The following GRIP1 variants were observed in gnomAD, a reference collection of about 807,000 sequenced individuals.
The protein encoded by GRIP1 is glutamate receptor-interacting protein 1.
A neutral mutation model predicts 129.9 loss-of-function variants in GRIP1; 45 were observed. That is an observed-to-expected ratio of 0.35 (90% confidence interval 0.27 to 0.44). The LOEUF is 0.44. Ranked by LOEUF, GRIP1 falls within the 20% of genes least tolerant of loss-of-function variation. GRIP1 has a pLI of 1.00. For missense variants in GRIP1, 1,196 were observed against 1,396.8 expected, an observed-to-expected ratio of 0.86 and a Z score of 2.29; for synonymous variants, 530 against 520.8, an observed-to-expected ratio of 1.02 and a Z score of -0.24.
intron 1 of GRIP1, among the ~76,000 whole-genome samples, chr12:66,983,377 ATTG>A (rs1475948823): frequency 6.6e-6 from 1 of 152,144 alleles, no homozygotes; most frequent in Admixed American, 6.6e-5. Context: ...AATATAAGGT[ATTG>A]TTATTATTAT....
intron 7 of GRIP1, among the ~76,000 whole-genome samples, chr12:66,467,882 T>C (rs974866537): frequency 2.0e-5 from 3 of 152,230 alleles, no homozygotes; most frequent in Non-Finnish European, 4.4e-5. Flanking sequence ...GGTATGTTTG[T>C]GGGGTGACAA....
intron 1 of GRIP1, among the ~76,000 whole-genome samples, chr12:66,932,691 T>C (rs1282145492): frequency 1.3e-5 from 2 of 152,144 alleles, no homozygotes; most frequent in South Asian, 4.1e-4. Context: ...TTTTTTTAGA[T>C]GGAGTGTCAC....
At chr12:66,796,643 C>T (rs932590598) in intron 1 of GRIP1, among the ~76,000 whole-genome samples, 10 of 152,126 alleles carry the variant, frequency 6.6e-5, no homozygotes, top group African/African-American at 2.4e-4. Flanking sequence ...GCTGACTCCA[C>T]TAGGGCAAGG....
chr12:66,540,498 G>A (rs903869430), intron 3 of GRIP1, among the ~76,000 whole-genome samples: 2 of 152,216 alleles, frequency 1.3e-5, no homozygotes, highest in African/African-American at 4.8e-5. Flanking sequence ...AAATAAAGGA[G>A]GTTGTGGGTG....
At chr12:66,725,772 ATACT>A (rs1281817394) in intron 1 of GRIP1, among the ~76,000 whole-genome samples, 1 of 152,224 alleles carries the variant, frequency 6.6e-6, no homozygotes, top group Non-Finnish European at 1.5e-5. Context: ...TCATATAACA[ATACT>A]TACTCTTACC....
intron 1 of GRIP1, among the ~76,000 whole-genome samples, chr12:66,743,523 G>C (rs189807743): frequency 6.6e-6 from 1 of 152,172 alleles, no homozygotes; most frequent in East Asian, 1.9e-4. Flanking sequence ...ATATCAGCCA[G>C]AATAAATAGT....
At chr12:66,678,324 AC>A (rs1296521883) in intron 1 of GRIP1, among the ~76,000 whole-genome samples, 1 of 152,166 alleles carries the variant, frequency 6.6e-6, no homozygotes, top group African/African-American at 2.4e-5. Flanking sequence ...ATTTGGAATT[AC>A]ATACTTTTCT....
intron 7 of GRIP1, among the ~76,000 whole-genome samples, chr12:66,512,030 G>A (rs766467219): frequency 4.6e-5 from 7 of 152,068 alleles, no homozygotes; most frequent in Non-Finnish European, 1.0e-4. Context: ...TTAAAAGTGC[G>A]TGGTGCTTCC....
intron 1 of GRIP1, among the ~76,000 whole-genome samples, chr12:66,723,708 T>C (rs1319244437): frequency 1.3e-5 from 2 of 152,090 alleles, no homozygotes; most frequent in South Asian, 2.1e-4. Flanking sequence ...AGCAACACCA[T>C]AGCAAGGTAT....
chr12:66,818,893 A>C (rs369615901), intron 1 of GRIP1, among the ~76,000 whole-genome samples: 7 of 152,196 alleles, frequency 4.6e-5, no homozygotes, highest in African/African-American at 1.7e-4. Context: ...ATGAGTAAAA[A>C]TAGAGAAGAG....
intron 14 of GRIP1, among the ~76,000 whole-genome samples, chr12:66,431,413 GAA>G (rs1187269462): frequency 6.6e-6 from 1 of 152,088 alleles, no homozygotes; most frequent in African/African-American, 2.4e-5. Flanking sequence ...TATTTATTTT[GAA>G]TTGCAGTACC....
At chr12:66,522,212 G>A (rs2061038342) in intron 5 of GRIP1, among the ~76,000 whole-genome samples, 1 of 152,208 alleles carries the variant, frequency 6.6e-6, no homozygotes, top group Non-Finnish European at 1.5e-5. Context: ...CCTCAAGTGG[G>A]TCCCTGACCC....
intron 1 of GRIP1, among the ~76,000 whole-genome samples, chr12:66,752,372 T>G (rs2037155247): frequency 6.6e-6 from 1 of 152,200 alleles, no homozygotes; most frequent in Admixed American, 6.5e-5. Context: ...TTTTCTAGTT[T>G]GAAGCATAAA....
intron 1 of GRIP1, among the ~76,000 whole-genome samples, chr12:66,613,873 T>A (rs935359578): frequency 6.6e-6 from 1 of 152,204 alleles, no homozygotes; most frequent in Admixed American, 6.5e-5. Context: ...AAACACAGTA[T>A]TAGGTACCAT....
chr12:66,468,690 T>TTTTC (rs397748473), intron 7 of GRIP1, among the ~76,000 whole-genome samples: 3 of 151,916 alleles, frequency 2.0e-5, no homozygotes, highest in Non-Finnish European at 4.4e-5. Flanking sequence ...TTTTTTTTTT[T>TTTTC]CATGGCCTGT....
At chr12:66,466,034 G>C in intron 7 of GRIP1, among the ~76,000 whole-genome samples, 1 of 152,142 alleles carries the variant, frequency 6.6e-6, no homozygotes, top group Admixed American at 6.6e-5. Flanking sequence ...CAAGTAGTAG[G>C]AATGTTACAC....
At chr12:66,955,143 T>C (rs544850129) in intron 1 of GRIP1, among the ~76,000 whole-genome samples, 3 of 152,138 alleles carry the variant, frequency 2.0e-5, no homozygotes, top group Non-Finnish European at 2.9e-5. Flanking sequence ...CCATCAGAGG[T>C]TGGCATTATT....
At chr12:66,357,423 G>C (rs1220608414) in intron 23 of GRIP1, among the ~76,000 whole-genome samples, 1 of 152,124 alleles carries the variant, frequency 6.6e-6, no homozygotes, top group Non-Finnish European at 1.5e-5. Flanking sequence ...TTTGAGGTGG[G>C]GACTGGGGGC....
chr12:66,752,475 G>C (rs543394142), intron 1 of GRIP1, among the ~76,000 whole-genome samples: 1 of 152,268 alleles, frequency 6.6e-6, no homozygotes, highest in African/African-American at 2.4e-5. Flanking sequence ...TCCAAGGACA[G>C]TCATACATTT....
Sources: gnomAD v4.1 joint callset for allele counts (sites outside exome capture counted in the v4.1 genomes callset) on GRCh38, gnomAD v4.1.1 for gene constraint, MANE v1.5 for transcripts, NCBI Gene and HGNC (gene_info 2026-07-23, HGNC 2026-07-21) for gene names.